The following CLCN4 variants were observed in gnomAD, a reference collection of about 807,000 sequenced individuals.
CLCN4 encodes the protein H(+)/Cl(-) exchange transporter 4.
Under a neutral mutation model 41.7 loss-of-function variants are expected in CLCN4, and 1 was observed. That is an observed-to-expected ratio of 0.02 (90% CI 0.01 to 0.11). The LOEUF is 0.11. Among genes scored for constraint, CLCN4 ranks in the 10% least tolerant of loss-of-function variants. CLCN4 has a pLI of 1.00. For synonymous variants in CLCN4, 277 were observed against 285.8 expected, an observed-to-expected ratio of 0.97 and a Z score of 0.31; for missense variants, 287 against 661.0, an observed-to-expected ratio of 0.43 and a Z score of 6.20.
chrX:10,210,848 A>G (rs1449089900), intron 9 of CLCN4, among the ~76,000 whole-genome samples: 14 of 106,238 alleles, frequency 1.3e-4, no homozygotes, highest in Non-Finnish European at 2.5e-4. Flanking sequence ...GGGTCTTGCC[A>G]TGTTGACCAG....
intron 2 of CLCN4, among the ~76,000 whole-genome samples, chrX:10,177,035 T>C (rs1923550611): frequency 8.9e-6 from 1 of 112,826 alleles, no homozygotes; most frequent in Non-Finnish European, 1.9e-5. Context: ...AAGTTCGTGA[T>C]CCTGTGGGCC....
intron 3 of CLCN4, among the ~76,000 whole-genome samples, chrX:10,185,742 G>T (rs925866314): frequency 9.0e-6 from 1 of 111,476 alleles, no homozygotes; most frequent in African/African-American, 3.3e-5. Context: ...GAAAGAATCT[G>T]ATGTATCTGG....
At chrX:10,184,454 C>G (rs1426012250) in intron 2 of CLCN4, among the ~76,000 whole-genome samples, 1 of 111,713 alleles carries the variant, frequency 9.0e-6, no homozygotes, top group East Asian at 2.8e-4. Context: ...CTTCCTGCTT[C>G]CACTCTCCTC....
chrX:10,160,219 G>T (rs1452897814), intron 2 of CLCN4, among the ~76,000 whole-genome samples: 1 of 111,415 alleles, frequency 9.0e-6, no homozygotes. Context: ...TCTTCTTCGG[G>T]CTCCAAGAAT....
chrX:10,174,616 A>G (rs188176781), intron 2 of CLCN4, among the ~76,000 whole-genome samples: 1 of 112,139 alleles, frequency 8.9e-6, no homozygotes, highest in African/African-American at 3.2e-5. Context: ...GGTGACACCC[A>G]TGGCAACCTG....
rs1555977625 is a variant in CLCN4 at position 10,216,897 on chromosome X, GTATATA to G, written c.1975+2835_1975+2840del. Among the ~76,000 whole-genome samples, 20 of 20,828 alleles carry G rather than the reference GTATATA, an allele frequency of 9.6e-4. 2 individuals are homozygous for G. Among genetic ancestry groups the G allele is most frequent in the South Asian group, 0.014 (2 of 142 alleles). The allele number at this position is 20,828 out of a possible 115,157, so 18.1% of individuals were successfully genotyped here. A position where few individuals can be genotyped will look rare whatever the true frequency, so the allele number is the denominator to read the frequency against. On this transcript the variant is annotated intron_variant, in intron 11 of 12. Coordinates refer to ENST00000380833, the MANE Select transcript of CLCN4 (RefSeq NM_001830.4). ...GTTGGGGATGTGTGTGTGTGTGTGT[GTATATA>G]TATATATATATATATACACACACAC...
At chrX:10,157,387 A>G (rs190275599) in intron 1 of CLCN4, among the ~76,000 whole-genome samples, 6 of 112,155 alleles carry the variant, frequency 5.3e-5, no homozygotes, top group African/African-American at 1.9e-4. Context: ...AATCTATTTC[A>G]TGTCTCCTTC....
rs1924590136 is a variant in CLCN4, at chrX:10,212,638, G to A, written c.1561G>A (p.Ala521Thr). 2 of 1,208,722 alleles carry A rather than the reference G, an allele frequency of 1.7e-6. No individual in the cohort carries two copies. The highest frequency in any genetic ancestry group is 2.2e-6 in the Non-Finnish European group (2 of 893,362). The change falls in exon 10 of 13, where the codon GCT becomes ACT. Residue 521 changes from alanine to threonine, a missense_variant. Around this residue, in one of 6 missense-constraint regions of CLCN4, gnomAD observed 94 missense variants for 177.9 expected, o/e 0.53. Transcript: ENST00000380833. Reference protein sequence around the residue: ...VTPGLYAMVGAAACLGGVTRM... With the variant: ...VTPGLYAMVGTAACLGGVTRM... ...GCCAGGGCTGTACGCAATGGTGGGAGCTGCGGCCTGCCTCGGTACGACCAT... is the reference window on the plus strand; with the variant it reads ...GCCAGGGCTGTACGCAATGGTGGGAACTGCGGCCTGCCTCGGTACGACCAT...
chrX:10,189,771 G>A (rs1923908506), intron 4 of CLCN4, among the ~76,000 whole-genome samples: 1 of 112,061 alleles, frequency 8.9e-6, no homozygotes, highest in African/African-American at 3.3e-5. Context: ...ATCTCCGCAT[G>A]TGCTTATCAG....
Position 10,213,973 on chromosome X carries a change from G to A in CLCN4, c.1869G>A (p.Glu623=). The change falls in exon 11 of 13, where the codon GAG becomes GAA. Residue 623 remains glutamate, a synonymous_variant. Coordinates refer to ENST00000380833, the MANE Select transcript of CLCN4 (RefSeq NM_001830.4). ...TQDSMTVEDV[E]TLIKETDYNG... ...ACAGCATGACTGTCGAGGACGTGGA[G>A]ACGCTCATCAAGGAGACCGACTACA... The A allele has an allele frequency of 8.3e-7, 1 of 1,211,836 alleles. No homozygotes were observed. The highest frequency in any genetic ancestry group is 1.1e-6 in the Non-Finnish European group (1 of 895,374).
chrX:10,214,021 C>T lies in CLCN4; in HGVS notation c.1917C>T (p.Ser639=), dbSNP rs1378417277. The T allele has an allele frequency of 8.3e-7, 1 of 1,204,891 alleles. No individual in the cohort carries two copies. Residue 639 remains serine (S), a synonymous_variant, in exon 11 of 13, where the codon TCC becomes TCT. Coordinates refer to ENST00000380833, the MANE Select transcript of CLCN4 (RefSeq NM_001830.4). The part of the protein sequence containing the change: ...TDYNGFPVVV[S]RDSERLIGFA... ...ACAACGGCTTCCCCGTGGTGGTCTC[C>T]AGAGACTCCGAGCGCCTCATTGGAT...
At position 10,204,613 on chromosome X, in the gene CLCN4, C is replaced by CTTTTTTTTTTTTTTTTTT. The variant is rs61453535; in HGVS notation, c.556-1726_556-1709dup. Among the ~76,000 whole-genome samples the CTTTTTTTTTTTTTTTTTT allele has an allele frequency of 4.0e-4, 11 of 27,347 alleles. 2 individuals are homozygous for CTTTTTTTTTTTTTTTTTT. The highest frequency in any genetic ancestry group is 6.4e-4 in the Non-Finnish European group (7 of 10,921). The allele number at this position is 27,347 out of a possible 115,157, so 23.7% of individuals were successfully genotyped here. ...CTATTCTCACCAGAAAGCTAGTAGT[C>CTTTTTTTTTTTTTTTTTT]TTTTTTTTTTTTTTTTTTTTTTTTT... On this transcript the variant is annotated intron_variant, in intron 6 of 12. Coordinates refer to ENST00000380833, the MANE Select transcript of CLCN4 (RefSeq NM_001830.4).
Position 10,233,735 on chromosome X carries a change from TAAAAAC to T in CLCN4, c.*165_*170del. On this transcript the variant is annotated 3_prime_UTR_variant, in exon 13 of 13. Coordinates refer to ENST00000380833, the MANE Select transcript of CLCN4 (RefSeq NM_001830.4). ...AGGCGGGGAAGAAGGATGAAACCTT[TAAAAAC>T]AAAAACAAAAACATCAATGAGTAGG... 1 of 460,983 alleles carries T rather than the reference TAAAAAC, an allele frequency of 2.2e-6. No individual in the cohort carries two copies. Among genetic ancestry groups the T allele is most frequent in the South Asian group, 3.4e-5 (1 of 29,138 alleles). 38.0% of individuals were successfully genotyped at this position (460,983 alleles called of 1,213,427 possible).
intron 6 of CLCN4, 110 bp from the exon 7 acceptor site, chrX:10,206,248 C>A: frequency 1.9e-6 from 1 of 526,947 alleles, no homozygotes; most frequent in Non-Finnish European, 3.2e-6. Flanking sequence ...CTGTTCCATG[C>A]TATTGAGTGA....
At chrX:10,172,397 C>T (rs929917377) in intron 2 of CLCN4, among the ~76,000 whole-genome samples, 2 of 111,810 alleles carry the variant, frequency 1.8e-5, no homozygotes, top group Non-Finnish European at 3.8e-5. Flanking sequence ...TGGAAATTAG[C>T]TAGAGCTTAC....
chrX:10,210,027 G>T (rs927574141), intron 9 of CLCN4, among the ~76,000 whole-genome samples: 1 of 110,759 alleles, frequency 9.0e-6, no homozygotes, highest in Non-Finnish European at 1.9e-5. Flanking sequence ...CTGCAGCCCC[G>T]GCAACCACTA....
At chrX:10,188,420 C>G (rs1269825905) in intron 4 of CLCN4, among the ~76,000 whole-genome samples, 1 of 112,238 alleles carries the variant, frequency 8.9e-6, no homozygotes, top group Non-Finnish European at 1.9e-5. Flanking sequence ...CCTCCATCAT[C>G]CTGACCCTCA....
At chrX:10,175,855 C>CCTCT (rs372995946) in intron 2 of CLCN4, among the ~76,000 whole-genome samples, 1 of 97,202 alleles carries the variant, frequency 1.0e-5, no homozygotes, top group African/African-American at 3.9e-5. Context: ...CTCACAGAAA[C>CCTCT]CTCTCTCTCT....
intron 2 of CLCN4, among the ~76,000 whole-genome samples, chrX:10,159,094 C>T (rs1268915235): frequency 9.0e-6 from 1 of 111,309 alleles, no homozygotes; most frequent in Admixed American, 9.5e-5. Context: ...CATTATTTTG[C>T]AAGGTTCCAG....
Sources: allele counts gnomAD v4.1 joint callset (sites outside exome capture counted in the v4.1 genomes callset), GRCh38; gene constraint gnomAD v4.1.1; regional missense constraint gnomAD v4.1.1; transcripts MANE v1.5; gene names NCBI Gene and HGNC (gene_info 2026-07-23, HGNC 2026-07-21).